The following WWTR1 variants were observed in gnomAD, a reference collection of about 807,000 sequenced individuals.
WWTR1 encodes the protein WW domain containing transcription regulator 1.
In WWTR1, 13 loss-of-function variants were observed where a neutral mutation model predicts 40.1. That is an observed-to-expected ratio of 0.32 (90% CI 0.21 to 0.52). WWTR1 has a LOEUF of 0.52. WWTR1 is among the 20% of genes least tolerant of loss of function. The pLI is 0.97. For synonymous variants in WWTR1, 230 were observed against 210.1 expected (o/e 1.09, Z -0.82); for missense variants, 436 against 523.1 (o/e 0.83, Z 1.63).
chr3:149,569,240 A>G (rs1012817974), intron 3 of WWTR1, among the ~76,000 whole-genome samples: 35 of 152,340 alleles, frequency 2.3e-4, no homozygotes, highest in African/African-American at 8.4e-4. Flanking sequence ...TTTATTCTAG[A>G]AAGCACTTAT....
At chr3:149,588,566 G>A (rs1738545060) in intron 2 of WWTR1, among the ~76,000 whole-genome samples, 1 of 152,132 alleles carries the variant, frequency 6.6e-6, no homozygotes, top group Non-Finnish European at 1.5e-5. Flanking sequence ...ACATGGATCT[G>A]TATTTGCTAA....
chr3:149,594,110 T>C (rs2108036414), intron 2 of WWTR1, among the ~76,000 whole-genome samples: 1 of 152,350 alleles, frequency 6.6e-6, no homozygotes, highest in South Asian at 2.1e-4. Flanking sequence ...TCTACAAAAA[T>C]TCTACTTCAT....
chr3:149,520,697 A>ATG lies in WWTR1; in HGVS notation c.*106_*107dup. On this transcript the variant is annotated 3_prime_UTR_variant, in exon 7 of 7. Coordinates refer to ENST00000360632, the MANE Select transcript of WWTR1 (RefSeq NM_015472.6). Reference sequence around the variant, plus strand: ...ACATAAAAAGGAGGGAGCACGAGTCATGGAGGCGGGAAGTGGTGCACCTGC... The same window carrying ATG: ...ACATAAAAAGGAGGGAGCACGAGTCATGTGGAGGCGGGAAGTGGTGCACCTGC... 2 of 1,062,222 alleles carry ATG rather than the reference A, an allele frequency of 1.9e-6. No individual in the cohort carries two copies. The allele number at this position is 1,062,222 out of a possible 1,614,324, so 65.8% of individuals were successfully genotyped here.
At chr3:149,563,011 G>A (rs879862124) in intron 3 of WWTR1, among the ~76,000 whole-genome samples, 21 of 152,118 alleles carry the variant, frequency 1.4e-4, no homozygotes, top group Admixed American at 9.2e-4. Context: ...AAACCACCTC[G>A]AATCCCACTG....
At chr3:149,681,952 A>G (rs1257031534) in intron 1 of WWTR1, among the ~76,000 whole-genome samples, 1 of 152,232 alleles carries the variant, frequency 6.6e-6, no homozygotes. Flanking sequence ...TAAGTTCTAG[A>G]AAGCTGCTGT....
chr3:149,542,651 A>G (rs917432390), intron 3 of WWTR1, 114 bp from the exon 4 acceptor site: 1 of 1,132,872 alleles, frequency 8.8e-7, no homozygotes, highest in Admixed American at 3.0e-5. Context: ...TTCCTTCCAA[A>G]GTACTTTCCT....
At chr3:149,604,118 G>C (rs1314316718) in intron 2 of WWTR1, among the ~76,000 whole-genome samples, 9 of 151,940 alleles carry the variant, frequency 5.9e-5, no homozygotes, top group Non-Finnish European at 1.2e-4. Flanking sequence ...AAGCATTTTT[G>C]CTTTTGATTC....
chr3:149,526,119 T>G lies in WWTR1; in HGVS notation c.912A>C (p.Pro304=). The G allele has an allele frequency of 6.2e-7, 1 of 1,601,472 alleles. No homozygotes were observed. Among genetic ancestry groups the G allele is most frequent in the Non-Finnish European group, 8.5e-7 (1 of 1,174,462 alleles). Reference sequence around the variant, plus strand: ...CAGTGCTCTGCTCCCTCGAATGATATGGCCCTCTGCAAAGCAAAAGATGAA... The same window carrying G: ...CAGTGCTCTGCTCCCTCGAATGATAGGGCCCTCTGCAAAGCAAAAGATGAA... ...NSSDPFLNGG[P]YHSREQSTDS... is the part of the protein sequence containing the mutation. Residue 304 remains proline, a synonymous_variant, in exon 6 of 7, where the codon CCA becomes CCC. Transcript: ENST00000360632.
intron 2 of WWTR1, among the ~76,000 whole-genome samples, chr3:149,593,070 A>G (rs1560075942): frequency 6.6e-6 from 1 of 152,182 alleles, no homozygotes; most frequent in African/African-American, 2.4e-5. Context: ...CGACTGCAGG[A>G]TCCGCGTGAT....
intron 4 of WWTR1, chr3:149,540,187 A>G (rs1736027300): frequency 2.2e-6 from 1 of 456,256 alleles, no homozygotes; most frequent in African/African-American, 2.0e-5. Flanking sequence ...CTCCTGCTTC[A>G]TATACAATGC....
At chr3:149,668,594 C>A (rs1262466367) in intron 2 of WWTR1, among the ~76,000 whole-genome samples, 4 of 64,712 alleles carry the variant, frequency 6.2e-5, no homozygotes, top group East Asian at 3.7e-4. Flanking sequence ...GGCAACAGAG[C>A]AAGATTGTGT....
At chr3:149,558,769 G>A (rs1397337134) in intron 3 of WWTR1, among the ~76,000 whole-genome samples, 1 of 152,150 alleles carries the variant, frequency 6.6e-6, no homozygotes, top group African/African-American at 2.4e-5. Flanking sequence ...CCTCAAAAAT[G>A]TCAAGGTCCA....
intron 2 of WWTR1, among the ~76,000 whole-genome samples, chr3:149,578,472 A>G (rs998063216): frequency 2.0e-5 from 3 of 152,226 alleles, no homozygotes; most frequent in African/African-American, 4.8e-5. Context: ...CAAGGTTGGC[A>G]ACACTTGGTT....
chr3:149,634,323 A>G (rs1711702300), intron 2 of WWTR1, among the ~76,000 whole-genome samples: 1 of 152,230 alleles, frequency 6.6e-6, no homozygotes, highest in African/African-American at 2.4e-5. Flanking sequence ...AAATGTGAAC[A>G]GTGTGAGAAC....
At chr3:149,552,705 G>A (rs989743673) in intron 3 of WWTR1, among the ~76,000 whole-genome samples, 4 of 152,146 alleles carry the variant, frequency 2.6e-5, no homozygotes, top group Non-Finnish European at 2.9e-5. Context: ...GTATTTACCC[G>A]AGTTTGTGCT....
intron 2 of WWTR1, among the ~76,000 whole-genome samples, chr3:149,665,223 C>CTTTCTTTTTT (rs1713763835): frequency 9.8e-6 from 1 of 102,198 alleles, no homozygotes; most frequent in Admixed American, 1.2e-4. Context: ...AATTTCCTTT[C>CTTTCTTTTTT]TTTCTTTTTT....
chr3:149,619,831 T>C (rs1740185694), intron 2 of WWTR1, among the ~76,000 whole-genome samples: 1 of 152,232 alleles, frequency 6.6e-6, no homozygotes, highest in Admixed American at 6.5e-5. Context: ...CTTGGGTTGC[T>C]GGTTAATCCT....
At chr3:149,582,312 G>A (rs1738183742) in intron 2 of WWTR1, among the ~76,000 whole-genome samples, 1 of 151,774 alleles carries the variant, frequency 6.6e-6, no homozygotes, top group South Asian at 2.1e-4. Flanking sequence ...GGGAGTTTCT[G>A]TTGCTTGTTT....
chr3:149,542,617 G>T (rs1000189161), intron 3 of WWTR1, 80 bp from the exon 4 acceptor site: 29 of 1,406,366 alleles, frequency 2.1e-5, no homozygotes, highest in Non-Finnish European at 2.8e-5. Flanking sequence ...AATGTTTTCT[G>T]CTTTGGAGTA....
Sources: gnomAD v4.1 joint callset for allele counts (sites outside exome capture counted in the v4.1 genomes callset) on GRCh38, gnomAD v4.1.1 for gene constraint, MANE v1.5 for transcripts, NCBI Gene and HGNC (gene_info 2026-07-23, HGNC 2026-07-21) for gene names.